The following FOXN4 variants were observed in gnomAD, a reference collection of about 807,000 sequenced individuals.
The protein encoded by FOXN4 is forkhead box N4.
FOXN4 carries 12 observed loss-of-function variants against 45.0 expected under a neutral mutation model. The observed-to-expected ratio is 0.27, with a 90% CI of 0.17 to 0.43. The LOEUF (loss-of-function observed/expected upper bound fraction) is 0.43, where lower values mean the gene tolerates loss of function less well. Among genes scored for constraint, FOXN4 ranks in the 20% least tolerant of loss-of-function variants. The pLI, the probability that FOXN4 is intolerant of heterozygous loss-of-function variation, is 1.00. For missense variants in FOXN4, 560 were observed against 694.9 expected, an observed-to-expected ratio of 0.81 and a Z score of 2.18; for synonymous variants, 297 against 295.0, an observed-to-expected ratio of 1.01 and a Z score of -0.07.
At chr12:109,302,092 A>T (rs2047873578) in intron 2 of FOXN4, among the ~76,000 whole-genome samples, 1 of 152,102 alleles carries the variant, frequency 6.6e-6, no homozygotes, top group Admixed American at 6.5e-5. Flanking sequence ...ATCTGTTCTT[A>T]CCCGCTCCTC....
Position 109,287,227 on chromosome 12 carries a change from A to G in FOXN4, c.596+170T>C, listed in dbSNP as rs1031342815. Among the ~76,000 whole-genome samples, 1 of 152,124 alleles carries G rather than the reference A, an allele frequency of 6.6e-6. No individual in the cohort carries two copies. Among genetic ancestry groups the G allele is most frequent in the Non-Finnish European group, 1.5e-5 (1 of 68,000 alleles). On this transcript the variant is annotated intron_variant, in intron 6 of 9. Transcript: ENST00000299162. The surrounding 1 kb of genome is among the most constrained non-coding windows in gnomAD (Gnocchi z 4.1). ...GTGGGCTCTTGACCTGGGGGACCCT[A>G]TGATGCGCCTTCCTGAGAACAAGTC...
chr12:109,292,755 C>G (rs920661000), intron 2 of FOXN4, among the ~76,000 whole-genome samples: 1 of 152,158 alleles, frequency 6.6e-6, no homozygotes, highest in Non-Finnish European at 1.5e-5. Context: ...ACTAAACACG[C>G]CCATGTAATG....
rs377289723 is a variant in FOXN4 at position 109,285,427 on chromosome 12, C to A, written c.778G>T (p.Gly260Cys). ...CFEKVENKMS[G>C]SSRKGCLWAL... ...CACAGGCAGCCCTTGCGGGAGGAGC[C>A]GCTCATCTTGTTCTCCACCTTCTCG... Residue 260 changes from glycine to cysteine, a missense_variant, in exon 8 of 10, where the codon GGC (glycine) becomes TGC (cysteine). Around this residue, in one of 5 missense-constraint regions of FOXN4, gnomAD observed 315 missense variants for 350.5 expected, o/e 0.90. Transcript: ENST00000299162. 1.2e-5 allele frequency: 19 copies of A among 1,614,044 alleles called. No homozygotes were observed. Among genetic ancestry groups the A allele is most frequent in the Non-Finnish European group, 1.6e-5 (19 of 1,179,922 alleles).
At chr12:109,305,758 A>C (rs2047916284) in intron 2 of FOXN4, among the ~76,000 whole-genome samples, 1 of 152,092 alleles carries the variant, frequency 6.6e-6, no homozygotes, top group African/African-American at 2.4e-5. Context: ...AACCAAAAAC[A>C]AACAAACAAA....
At chr12:109,306,903 C>CT (rs1005090125) in intron 2 of FOXN4, among the ~76,000 whole-genome samples, 9 of 152,206 alleles carry the variant, frequency 5.9e-5, no homozygotes, top group Admixed American at 5.9e-4. Context: ...GGAAGGAAGC[C>CT]TAGAGGCCCT....
rs1348301618 is a variant in FOXN4, at chr12:109,291,983, C to T, written c.87-1697G>A. 6.6e-6 allele frequency among the ~76,000 whole-genome samples: 1 copy of T among 152,190 alleles called. No homozygotes were observed. Among genetic ancestry groups the T allele is most frequent in the African/African-American group, 2.4e-5 (1 of 41,438 alleles). ...CCACCCCTCCGGCCTGCTCGTAACT[C>T]ATCTGGCCAAGTGACAGCCACGGCC... is the stretch of plus-strand genomic sequence containing the variant. On this transcript the variant is annotated intron_variant, in intron 2 of 9. Coordinates refer to ENST00000299162, the MANE Select transcript of FOXN4 (RefSeq NM_213596.3). This position sits in a 1 kb window ranked among gnomAD's most constrained non-coding sequence, Gnocchi z 6.6.
intron 6 of FOXN4, 86 bp from the exon 7 acceptor site, chr12:109,286,830 C>T (rs376128780): frequency 1.6e-4 from 238 of 1,488,660 alleles, no homozygotes; most frequent in Middle Eastern, 2.2e-4. Context: ...AGCCCAATGC[C>T]GCCTCTGCCA....
rs896969206 is a variant in FOXN4 at position 109,291,179 on chromosome 12, C to T, written c.87-893G>A. 2.0e-5 allele frequency among the ~76,000 whole-genome samples: 3 copies of T among 152,116 alleles called. No homozygotes were observed. Among genetic ancestry groups the T allele is most frequent in the East Asian group, 3.9e-4 (2 of 5,176 alleles). Reference sequence around the variant, plus strand: ...GGTTGTAGTGGATGTAGGATAGCTGCCCATGGAGGTGCCAGACAGGTCGGT... The same window carrying T: ...GGTTGTAGTGGATGTAGGATAGCTGTCCATGGAGGTGCCAGACAGGTCGGT... On this transcript the variant is annotated intron_variant, in intron 2 of 9. Coordinates refer to ENST00000299162, the MANE Select transcript of FOXN4 (RefSeq NM_213596.3). The surrounding 1 kb of genome is among the most constrained non-coding windows in gnomAD (Gnocchi z 6.6).
chr12:109,300,198 G>A lies in FOXN4; in HGVS notation c.86+8038C>T, dbSNP rs573246172. Among the ~76,000 whole-genome samples, 8 of 152,266 alleles carry A rather than the reference G, an allele frequency of 5.3e-5. No homozygotes were observed. The East Asian group carries it at 7.7e-4, about 15-fold the overall frequency. ...GAAGACAGCCAACAGCAGGGTGTCCGGCACTCGGGAAGTGTCTGCTTTATT... is the reference window on the plus strand; with the variant it reads ...GAAGACAGCCAACAGCAGGGTGTCCAGCACTCGGGAAGTGTCTGCTTTATT... On this transcript the variant is annotated intron_variant, in intron 2 of 9. Transcript: ENST00000299162.
At chr12:109,285,634 ACACT>A in intron 7 of FOXN4, 123 bp from the exon 8 acceptor site, 1 of 972,740 alleles carries the variant, frequency 1.0e-6, no homozygotes, top group Non-Finnish European at 1.5e-6. Context: ...ACAGTGCCTG[ACACT>A]CAGCCTCAAG....
At chr12:109,292,480 A>C (rs1456746218) in intron 2 of FOXN4, among the ~76,000 whole-genome samples, 2 of 152,146 alleles carry the variant, frequency 1.3e-5, no homozygotes, top group Non-Finnish European at 1.5e-5. Flanking sequence ...CCACTGGCTT[A>C]ACCTCTCTGA....
At position 109,279,656 on chromosome 12, in the gene FOXN4, G is replaced by A. The variant is rs1479222047; in HGVS notation, c.*15C>T. ...AGCCGGGTGCCGGGGTTCCAGGGCA[G>A]GTGAGGCTGACAGCTCAAAGCAGGG... On this transcript the variant is annotated 3_prime_UTR_variant, in exon 10 of 10. Coordinates refer to ENST00000299162, the MANE Select transcript of FOXN4 (RefSeq NM_213596.3). The A allele has an allele frequency of 6.4e-7, 1 of 1,567,674 alleles. No individual in the cohort carries two copies. The highest frequency in any genetic ancestry group is 8.6e-7 in the Non-Finnish European group (1 of 1,156,226).
rs373055287 is a variant in FOXN4 at position 109,285,379 on chromosome 12, C to T, written c.826G>A (p.Asp276Asn). 5.0e-6 allele frequency: 8 copies of T among 1,613,946 alleles called. No homozygotes were observed. Among genetic ancestry groups the T allele is most frequent in the Non-Finnish European group, 6.8e-6 (8 of 1,179,880 alleles). The part of the protein sequence containing the change: ...CLWALNLARI[D>N]KMEEEMHKWK... The stretch of plus-strand genomic sequence containing the variant: ...TTGTGCATCTCCTCCTCCATCTTGT[C>T]GATGCGGGCCAGGTTCAGAGCCCAC... Residue 276 changes from aspartate (D) to asparagine (N), a missense_variant, in exon 8 of 10, where the codon GAC (aspartate) becomes AAC (asparagine). Coordinates refer to ENST00000299162, the MANE Select transcript of FOXN4 (RefSeq NM_213596.3).
At chr12:109,281,093 T>A (rs931847935) in intron 9 of FOXN4, among the ~76,000 whole-genome samples, 2 of 152,198 alleles carry the variant, frequency 1.3e-5, no homozygotes, top group African/African-American at 2.4e-5. Flanking sequence ...TGGCCCGGTA[T>A]ACAGCAAATG....
At position 109,287,747 on chromosome 12, in the gene FOXN4, T is replaced by C. The variant is rs905593416; in HGVS notation, c.468+97A>G. The C allele has an allele frequency of 9.9e-6, 12 of 1,211,480 alleles. No homozygotes were observed. Among genetic ancestry groups the C allele is most frequent in the South Asian group, 7.7e-5 (5 of 64,588 alleles). 75.0% of individuals were successfully genotyped at this position (1,211,480 alleles called of 1,614,324 possible). On this transcript the variant is annotated intron_variant, in intron 5 of 9. Transcript: ENST00000299162. The surrounding 1 kb of genome is among the most constrained non-coding windows in gnomAD (Gnocchi z 4.1). Reference sequence around the variant, plus strand: ...GAGCATGGAGGGAATGTTATCCCCATGTGCTGGGTGAGTAAACTGAGGCTC... The same window carrying C: ...GAGCATGGAGGGAATGTTATCCCCACGTGCTGGGTGAGTAAACTGAGGCTC...
At chr12:109,299,857 C>A (rs141841159) in intron 2 of FOXN4, among the ~76,000 whole-genome samples, 1 of 152,022 alleles carries the variant, frequency 6.6e-6, no homozygotes, top group African/African-American at 2.4e-5. Context: ...ACATCCTAAG[C>A]CCATCCCAGC....
intron 2 of FOXN4, among the ~76,000 whole-genome samples, chr12:109,307,340 C>G (rs2047930324): frequency 6.6e-6 from 1 of 152,182 alleles, no homozygotes; most frequent in African/African-American, 2.4e-5. Context: ...GACTGTGCCC[C>G]CTCAGCCTAC....
chr12:109,287,311 T>C lies in FOXN4; in HGVS notation c.596+86A>G, dbSNP rs918858596. ...CCCTTGGAAGTCTGGGCTGCCACACTAGCTGTCTGAGATGCCCTGAGGGCA... is the reference window on the plus strand; with the variant it reads ...CCCTTGGAAGTCTGGGCTGCCACACCAGCTGTCTGAGATGCCCTGAGGGCA... On this transcript the variant is annotated intron_variant, in intron 6 of 9. Coordinates refer to ENST00000299162, the MANE Select transcript of FOXN4 (RefSeq NM_213596.3). This position sits in a 1 kb window ranked among gnomAD's most constrained non-coding sequence, Gnocchi z 4.1. 3.3e-5 allele frequency: 50 copies of C among 1,508,422 alleles called. No homozygotes were observed. The highest frequency in any genetic ancestry group is 4.4e-5 in the Non-Finnish European group (49 of 1,116,514). 93.4% of individuals were successfully genotyped at this position (1,508,422 alleles called of 1,614,324 possible). A position where few individuals can be genotyped will look rare whatever the true frequency, so the allele number is the denominator to read the frequency against.
At chr12:109,305,417 T>C (rs372698320) in intron 2 of FOXN4, among the ~76,000 whole-genome samples, 1 of 152,132 alleles carries the variant, frequency 6.6e-6, no homozygotes, top group African/African-American at 2.4e-5. Flanking sequence ...GCCTTCTGGA[T>C]ACTCTGGCTG....
Sources: gnomAD v4.1 joint callset for allele counts (sites outside exome capture counted in the v4.1 genomes callset) on GRCh38, gnomAD v4.1.1 for gene constraint, gnomAD v4.1.1 regional missense constraint, Gnocchi (gnomAD v3.1) non-coding constraint, MANE v1.5 for transcripts, NCBI Gene and HGNC (gene_info 2026-07-23, HGNC 2026-07-21) for gene names.